Variants in MARCHF6 observed in about 807,000 individuals in gnomAD.
MARCHF6 encodes membrane associated ring-CH-type finger 6.
In MARCHF6, 31 loss-of-function variants were observed where a neutral mutation model predicts 133.7. That is an observed-to-expected ratio of 0.23 (90% CI 0.17 to 0.31). The LOEUF (loss-of-function observed/expected upper bound fraction) is 0.31, where lower values mean the gene tolerates loss of function less well. MARCHF6 is among the 10% of genes least tolerant of loss of function. MARCHF6 has a pLI of 1.00. For synonymous variants in MARCHF6, 395 were observed against 402.5 expected, an observed-to-expected ratio of 0.98 and a Z score of 0.22; for missense variants, 723 against 1,121.6, an observed-to-expected ratio of 0.64 and a Z score of 5.08.
intron 1 of MARCHF6, among the ~76,000 whole-genome samples, chr5:10,355,733 A>G (rs1444858297): frequency 6.6e-6 from 1 of 152,220 alleles, no homozygotes; most frequent in Non-Finnish European, 1.5e-5. Context: ...CATTTTACAG[A>G]TGAGGAAACT....
In MARCHF6 at chr5:10,435,524, T is replaced by TAA. The variant is rs1369735669; in HGVS notation, c.*1845_*1846dup. ...TTTACTCAGAAATTTAGTCCTACTA[T>TAA]AAAAAATTAGGATTTTAAAATATAA... On this transcript the variant is annotated 3_prime_UTR_variant, in exon 26 of 26. Coordinates refer to ENST00000274140, the MANE Select transcript of MARCHF6 (RefSeq NM_005885.4). 2.0e-5 allele frequency: 3 copies of TAA among 149,164 alleles called. No individual in the cohort carries two copies. The highest frequency in any genetic ancestry group is 3.0e-5 in the Non-Finnish European group (2 of 67,438). The allele number at this position is 149,164 out of a possible 1,614,324, so 9.2% of individuals were successfully genotyped here.
At chr5:10,418,381 C>CAAAA (rs36005391) in intron 22 of MARCHF6, among the ~76,000 whole-genome samples, 44 of 92,248 alleles carry the variant, frequency 4.8e-4, no homozygotes, top group African/African-American at 1.7e-3. Context: ...ACCCTGTCTC[C>CAAAA]AAAAAAAAAA....
intron 9 of MARCHF6, 118 bp from the exon 10 acceptor site, chr5:10,397,175 G>A: frequency 1.5e-6 from 1 of 656,206 alleles, no homozygotes. Context: ...ACAATAGAGG[G>A]AAAATTTCAA....
intron 5 of MARCHF6, among the ~76,000 whole-genome samples, chr5:10,388,958 C>A (rs1466808014): frequency 6.6e-6 from 1 of 152,144 alleles, no homozygotes; most frequent in African/African-American, 2.4e-5. Context: ...AATTTAGTAG[C>A]CTGGAGAGTT....
chr5:10,407,050 C>T, intron 16 of MARCHF6, 52 bp from the exon 17 acceptor site: 1 of 1,012,600 alleles, frequency 9.9e-7, no homozygotes, highest in South Asian at 1.3e-5. Flanking sequence ...GCCTGTCTTG[C>T]ACAGGAGTGA....
intron 7 of MARCHF6, among the ~76,000 whole-genome samples, chr5:10,392,217 A>G (rs1028944815): frequency 6.6e-6 from 1 of 152,174 alleles, no homozygotes; most frequent in African/African-American, 2.4e-5. Context: ...TCGGCCTCCA[A>G]AGTGCTGGGA....
rs558165947 is a variant in MARCHF6 at position 10,357,399 on chromosome 5, A to G, written c.19+3482A>G. Reference sequence around the variant, plus strand: ...ATTTTGCTAAATTACTGCTTGTATTAGCACAACATAATACAAAGTCTTAGT... The same window carrying G: ...ATTTTGCTAAATTACTGCTTGTATTGGCACAACATAATACAAAGTCTTAGT... On this transcript the variant is annotated intron_variant, in intron 1 of 25. Transcript: ENST00000274140. 1.4e-4 allele frequency among the ~76,000 whole-genome samples: 21 copies of G among 149,096 alleles called. No homozygotes were observed. In the South Asian group the frequency reaches 4.3e-3, roughly 30 times the overall value.
intron 4 of MARCHF6, among the ~76,000 whole-genome samples, chr5:10,386,021 T>C (rs1052208840): frequency 4.6e-5 from 7 of 152,080 alleles, no homozygotes; most frequent in African/African-American, 1.7e-4. Flanking sequence ...AGTGTTGTGC[T>C]GTCTTATTTT....
At chr5:10,386,955 C>A (rs775386411) in intron 4 of MARCHF6, 39 bp from the exon 5 acceptor site, 1 of 1,508,798 alleles carries the variant, frequency 6.6e-7, no homozygotes, top group Non-Finnish European at 9.2e-7. Context: ...ATTCATGATG[C>A]GAGTTGTGAC....
At chr5:10,416,365 C>T (rs2126798789) in intron 21 of MARCHF6, among the ~76,000 whole-genome samples, 1 of 152,074 alleles carries the variant, frequency 6.6e-6, no homozygotes, top group Non-Finnish European at 1.5e-5. Context: ...GTTTAATATC[C>T]ATTTAATATT....
intron 18 of MARCHF6, among the ~76,000 whole-genome samples, chr5:10,410,781 T>G (rs777945502): frequency 1.3e-4 from 20 of 152,212 alleles, no homozygotes; most frequent in Non-Finnish European, 2.8e-4. Context: ...AGTACAGATT[T>G]GGTTATATTT....
intron 22 of MARCHF6, chr5:10,421,863 A>G (rs972916730): frequency 1.3e-5 from 2 of 152,222 alleles, no homozygotes; most frequent in Admixed American, 6.5e-5. Flanking sequence ...GCCCTTTAGG[A>G]TATTCTCAGC....
chr5:10,417,864 A>G (rs771261470), intron 22 of MARCHF6, among the ~76,000 whole-genome samples: 6 of 151,796 alleles, frequency 4.0e-5, no homozygotes, highest in Non-Finnish European at 8.8e-5. Flanking sequence ...TTAATCTTTC[A>G]GAATATGCAG....
chr5:10,354,083 CTG>C (rs1411136536), intron 1 of MARCHF6, 166 bp downstream of exon 1: 27 of 544,904 alleles, frequency 5.0e-5, no homozygotes, highest in East Asian at 3.4e-4. Context: ...AGGTGACCCT[CTG>C]CGCGCCCCCC....
intron 1 of MARCHF6, among the ~76,000 whole-genome samples, chr5:10,373,028 C>T (rs759425362): frequency 1.1e-4 from 16 of 151,798 alleles, no homozygotes; most frequent in African/African-American, 3.4e-4. Context: ...TCACTGCACT[C>T]CAGCCTGGGT....
intron 4 of MARCHF6, 124 bp from the exon 5 acceptor site, chr5:10,386,870 G>T: frequency 1.4e-6 from 1 of 690,670 alleles, no homozygotes; most frequent in Non-Finnish European, 2.7e-6. Flanking sequence ...ACTTAGGCTT[G>T]TAAAGACTAA....
chr5:10,407,720 G>C, intron 17 of MARCHF6, among the ~76,000 whole-genome samples: 1 of 152,332 alleles, frequency 6.6e-6, no homozygotes, highest in South Asian at 2.1e-4. Context: ...TTGGGAAGCC[G>C]AGGCAGGCGG....
intron 1 of MARCHF6, among the ~76,000 whole-genome samples, chr5:10,355,619 TTAAAA>T (rs1354456330): frequency 2.0e-5 from 3 of 152,242 alleles, no homozygotes; most frequent in African/African-American, 4.8e-5. Flanking sequence ...CTGTTGCCTG[TTAAAA>T]TAACATGTGC....
rs1309676531 is a variant in MARCHF6, at chr5:10,381,855, G to A, written c.246G>A (p.Leu82=). 19 of 1,612,050 alleles carry A rather than the reference G, an allele frequency of 1.2e-5. No individual in the cohort carries two copies. The highest frequency in any genetic ancestry group is 1.5e-5 in the Non-Finnish European group (18 of 1,178,776). The change falls in exon 4 of 26, where the codon CTG becomes CTA. Residue 82 remains leucine, a synonymous_variant. Transcript: ENST00000274140. The part of the protein sequence containing the change: ...RLPIQDIFAG[L]VTSIGTAIRY... ...CAATTCAAGACATATTTGCTGGACTGGTTACAAGTATTGGCACTGCAATAC... is the reference window on the plus strand; with the variant it reads ...CAATTCAAGACATATTTGCTGGACTAGTTACAAGTATTGGCACTGCAATAC...
Sources: gnomAD v4.1 joint callset for allele counts (sites outside exome capture counted in the v4.1 genomes callset) on GRCh38, gnomAD v4.1.1 for gene constraint, MANE v1.5 for transcripts, NCBI Gene and HGNC (gene_info 2026-07-23, HGNC 2026-07-21) for gene names.